YWHAE: variants seen among roughly 807,000 people sequenced by gnomAD.
YWHAE encodes the protein tyrosine 3-monooxygenase/tryptophan 5-monooxygenase activation protein epsilon.
Under a neutral mutation model 30.1 loss-of-function variants are expected in YWHAE, and 4 were observed. The observed-to-expected ratio is 0.13, with a 90% CI of 0.07 to 0.30. The LOEUF (loss-of-function observed/expected upper bound fraction) is 0.30. Among genes scored for constraint, YWHAE ranks in the 10% least tolerant of loss-of-function variants. The pLI is 1.00. For synonymous variants in YWHAE, 118 were observed against 111.8 expected, an observed-to-expected ratio of 1.06 and a Z score of -0.35; for missense variants, 121 against 315.9, an observed-to-expected ratio of 0.38 and a Z score of 4.68.
intron 1 of YWHAE, among the ~76,000 whole-genome samples, chr17:1,396,395 G>T (rs2073472116): frequency 6.6e-6 from 1 of 151,690 alleles, no homozygotes; most frequent in South Asian, 2.1e-4. Context: ...CTTCAATAAA[G>T]CCTGGGAGAC....
At chr17:1,390,494 G>A (rs1197778361) in intron 1 of YWHAE, among the ~76,000 whole-genome samples, 1 of 152,110 alleles carries the variant, frequency 6.6e-6, no homozygotes, top group Non-Finnish European at 1.5e-5. Context: ...CATTAGATAA[G>A]AATGTTTCAC....
chr17:1,393,460 TCCCTCTGTGGCCCAGACTGGAGTGC>T (rs929361937), intron 1 of YWHAE, among the ~76,000 whole-genome samples: 1 of 152,206 alleles, frequency 6.6e-6, no homozygotes, highest in Non-Finnish European at 1.5e-5. Flanking sequence ...AGACAGGCTC[TCCCTCTGTGGCCCAGACTGGAGTGC>T]AATGGTGCGA....
chr17:1,373,002 G>A (rs2073064337), intron 1 of YWHAE, among the ~76,000 whole-genome samples: 1 of 152,118 alleles, frequency 6.6e-6, no homozygotes, highest in Non-Finnish European at 1.5e-5. Context: ...AGCACTTTGG[G>A]AGGCCAAGGC....
At chr17:1,378,105 T>A (rs16945593) in intron 1 of YWHAE, among the ~76,000 whole-genome samples, 1 of 152,056 alleles carries the variant, frequency 6.6e-6, no homozygotes, top group South Asian at 2.1e-4. Context: ...TGCAAGTTTG[T>A]TGGAGAGAAA....
intron 1 of YWHAE, among the ~76,000 whole-genome samples, chr17:1,394,568 T>C (rs1269161297): frequency 1.3e-5 from 2 of 151,470 alleles, no homozygotes; most frequent in Non-Finnish European, 2.9e-5. Flanking sequence ...ATGGCGACAC[T>C]GCACTTCAGC....
At chr17:1,362,235 T>C (rs1038997113) in intron 2 of YWHAE, among the ~76,000 whole-genome samples, 1 of 152,024 alleles carries the variant, frequency 6.6e-6, no homozygotes, top group Non-Finnish European at 1.5e-5. Context: ...CACACACACA[T>C]GCAGGCACGC....
At chr17:1,394,828 G>A (rs2073443925) in intron 1 of YWHAE, among the ~76,000 whole-genome samples, 1 of 150,752 alleles carries the variant, frequency 6.6e-6, no homozygotes, top group Non-Finnish European at 1.5e-5. Flanking sequence ...TTAGCCAGGT[G>A]CGATGGCGGG....
At chr17:1,356,195 CACACACACACACACACACACAA>C (rs1381340946) in intron 4 of YWHAE, among the ~76,000 whole-genome samples, 2 of 146,872 alleles carry the variant, frequency 1.4e-5, no homozygotes, top group Non-Finnish European at 3.0e-5. Context: ...CACACACACA[CACACACACACACACACACACAA>C]AATTAGCCGG....
Position 1,345,292 on chromosome 17 carries a change from A to AC in YWHAE, c.*154_*155insG. On this transcript the variant is annotated 3_prime_UTR_variant, in exon 6 of 6. Coordinates refer to ENST00000264335, the MANE Select transcript of YWHAE (RefSeq NM_006761.5). ...TTAAGAACTTTTGAAAACTGTTTAA[A>AC]AAAAAAAAAAAAAAACCAACAGGGC... 2.9e-6 allele frequency: 2 copies of AC among 679,582 alleles called. No homozygotes were observed. The highest frequency in any genetic ancestry group is 4.3e-5 in the South Asian group (2 of 46,178). 42.1% of individuals were successfully genotyped at this position (679,582 alleles called of 1,614,324 possible). A position where few individuals can be genotyped will look rare whatever the true frequency, so the allele number is the denominator to read the frequency against.
chr17:1,368,289 T>C (rs893181943), intron 1 of YWHAE, among the ~76,000 whole-genome samples: 32 of 151,936 alleles, frequency 2.1e-4, no homozygotes. Context: ...GGCGAGAGAA[T>C]TGCTTGAACT....
At chr17:1,388,126 T>TTTTTTTTTTG (rs2073334486) in intron 1 of YWHAE, among the ~76,000 whole-genome samples, 1 of 97,076 alleles carries the variant, frequency 1.0e-5, no homozygotes, top group African/African-American at 4.3e-5. Flanking sequence ...TGGTTTTTTT[T>TTTTTTTTTTG]TTTTTTTTTT....
chr17:1,375,800 C>T (rs2073113353), intron 1 of YWHAE, among the ~76,000 whole-genome samples: 1 of 152,218 alleles, frequency 6.6e-6, no homozygotes, highest in Non-Finnish European at 1.5e-5. Flanking sequence ...ACAAGTTTTT[C>T]CCCTTGACTT....
chr17:1,381,752 CA>C (rs200281477), intron 1 of YWHAE, among the ~76,000 whole-genome samples: 1 of 151,328 alleles, frequency 6.6e-6, no homozygotes, highest in African/African-American at 2.4e-5. Flanking sequence ...CCTGTCTCTA[CA>C]AAAAAATACA....
chr17:1,396,074 G>C (rs749642489), intron 1 of YWHAE, among the ~76,000 whole-genome samples: 2 of 152,008 alleles, frequency 1.3e-5, no homozygotes. Context: ...AGCCGAGATC[G>C]CGCTATTGCA....
intron 1 of YWHAE, among the ~76,000 whole-genome samples, chr17:1,371,672 A>G (rs908397684): frequency 2.0e-5 from 3 of 151,786 alleles, no homozygotes; most frequent in African/African-American, 7.3e-5. Context: ...AGCTAGACAC[A>G]CTGACTTCTC....
Position 1,392,760 on chromosome 17 carries a change from G to C in YWHAE, c.64+7287C>G, listed in dbSNP as rs146254206. On this transcript the variant is annotated intron_variant, in intron 1 of 5. Transcript: ENST00000264335. Reference sequence around the variant, plus strand: ...AGCTACTCGGGAGGCTGAGGCAGGAGAATCACTTGAGCCCAGGAGGCGGAG... The same window carrying C: ...AGCTACTCGGGAGGCTGAGGCAGGACAATCACTTGAGCCCAGGAGGCGGAG... 2.7e-3 allele frequency among the ~76,000 whole-genome samples: 413 copies of C among 151,812 alleles called. 17 individuals are homozygous for C. In the East Asian group the frequency reaches 0.064, roughly 23 times the overall value.
intron 1 of YWHAE, among the ~76,000 whole-genome samples, chr17:1,374,541 T>C (rs2073095428): frequency 6.6e-6 from 1 of 152,256 alleles, no homozygotes; most frequent in Non-Finnish European, 1.5e-5. Context: ...GCACCGTTTT[T>C]ACACTCCCAC....
At chr17:1,372,317 T>G (rs548684922) in intron 1 of YWHAE, among the ~76,000 whole-genome samples, 1 of 152,256 alleles carries the variant, frequency 6.6e-6, no homozygotes, top group African/African-American at 2.4e-5. Context: ...TATGGCAGGT[T>G]TGATCTTCTA....
chr17:1,376,100 G>A (rs2073117583), intron 1 of YWHAE, among the ~76,000 whole-genome samples: 1 of 152,166 alleles, frequency 6.6e-6, no homozygotes, highest in South Asian at 2.1e-4. Flanking sequence ...CAAAGCCAGT[G>A]GACTACAACT....
Sources: gnomAD v4.1 joint callset for allele counts (sites outside exome capture counted in the v4.1 genomes callset) on GRCh38, gnomAD v4.1.1 for gene constraint, MANE v1.5 for transcripts, NCBI Gene and HGNC (gene_info 2026-07-23, HGNC 2026-07-21) for gene names.